The following KIF6 variants were observed in gnomAD, a reference collection of about 807,000 sequenced individuals.
KIF6 encodes the protein kinesin family member 6, also known as kinesin-like protein KIF6.
Under a neutral mutation model 112.7 loss-of-function variants are expected in KIF6, and 106 were observed. The ratio of observed to expected loss-of-function variants is 0.94; its 90% CI spans 0.80 to 1.11. The LOEUF (loss-of-function observed/expected upper bound fraction) is 1.11, where lower values mean the gene tolerates loss of function less well. KIF6 is among the 50% of genes least tolerant of loss of function. The pLI, the probability that KIF6 is intolerant of heterozygous loss-of-function variation, is 0.00. For missense variants in KIF6, 929 were observed against 964.0 expected, an observed-to-expected ratio of 0.96 and a Z score of 0.48; for synonymous variants, 339 against 339.9, an observed-to-expected ratio of 1.00 and a Z score of 0.03.
intron 13 of KIF6, among the ~76,000 whole-genome samples, chr6:39,493,275 A>G (rs1270775437): frequency 6.6e-6 from 1 of 152,186 alleles, no homozygotes; most frequent in Non-Finnish European, 1.5e-5. Flanking sequence ...CAACCCCTTC[A>G]TTTTACAGAT....
intron 13 of KIF6, among the ~76,000 whole-genome samples, chr6:39,523,691 T>C (rs1442440921): frequency 5.1e-5 from 5 of 98,812 alleles, no homozygotes; most frequent in African/African-American, 2.1e-4. Flanking sequence ...TATATATATA[T>C]ATATATGATT....
chr6:39,547,793 T>C (rs1038664754), intron 10 of KIF6, among the ~76,000 whole-genome samples: 1 of 152,190 alleles, frequency 6.6e-6, no homozygotes. Context: ...AGTAAAGGTA[T>C]TTCATTTCTA....
chr6:39,578,333 T>A (rs1324436749), intron 9 of KIF6, among the ~76,000 whole-genome samples, 174 bp from the exon 10 acceptor site: 1 of 149,124 alleles, frequency 6.7e-6, no homozygotes, highest in Non-Finnish European at 1.5e-5. Context: ...TTCTAGATTT[T>A]TTTTTTTTTT....
intron 4 of KIF6, among the ~76,000 whole-genome samples, chr6:39,637,579 A>C (rs1824386): frequency 6.6e-6 from 1 of 151,964 alleles, no homozygotes; most frequent in African/African-American, 2.4e-5. Flanking sequence ...CTCTTACTGT[A>C]TCTTGAAATG....
At chr6:39,491,441 C>G (rs1344350815) in intron 13 of KIF6, among the ~76,000 whole-genome samples, 1 of 152,138 alleles carries the variant, frequency 6.6e-6, no homozygotes, top group Admixed American at 6.5e-5. Flanking sequence ...CTAATCCCTT[C>G]CCAAACTCCT....
intron 15 of KIF6, among the ~76,000 whole-genome samples, chr6:39,391,606 G>C (rs1326826380): frequency 6.6e-6 from 1 of 152,178 alleles, no homozygotes; most frequent in Non-Finnish European, 1.5e-5. Flanking sequence ...GCCAGAGAGG[G>C]ATGAACACAA....
At chr6:39,555,670 A>G (rs1227325282) in intron 10 of KIF6, among the ~76,000 whole-genome samples, 2 of 152,088 alleles carry the variant, frequency 1.3e-5, no homozygotes, top group Non-Finnish European at 2.9e-5. Flanking sequence ...TACAGTAATG[A>G]GGCCGGGTGC....
At chr6:39,513,932 A>T (rs1388488256) in intron 13 of KIF6, among the ~76,000 whole-genome samples, 1 of 152,234 alleles carries the variant, frequency 6.6e-6, no homozygotes, top group Non-Finnish European at 1.5e-5. Flanking sequence ...TTACAAAAAA[A>T]GTTTTTACAT....
intron 22 of KIF6, among the ~76,000 whole-genome samples, chr6:39,337,990 G>T (rs1763123403): frequency 6.6e-6 from 1 of 152,182 alleles, no homozygotes; most frequent in Non-Finnish European, 1.5e-5. Context: ...CTAAGACATG[G>T]TCCACCCTGG....
chr6:39,635,397 T>A (rs753261935), intron 4 of KIF6, among the ~76,000 whole-genome samples: 29 of 152,142 alleles, frequency 1.9e-4, no homozygotes, highest in Non-Finnish European at 3.8e-4. Context: ...ATAGTTTCCA[T>A]CTTTAATCAT....
intron 13 of KIF6, among the ~76,000 whole-genome samples, chr6:39,450,573 G>A (rs1422802454): frequency 1.3e-5 from 2 of 152,182 alleles, no homozygotes; most frequent in African/African-American, 4.8e-5. Context: ...GGGAGGCTGA[G>A]GTGGGCAGAT....
intron 13 of KIF6, among the ~76,000 whole-genome samples, chr6:39,507,108 A>G (rs1776465276): frequency 6.6e-6 from 1 of 152,192 alleles, no homozygotes; most frequent in Non-Finnish European, 1.5e-5. Flanking sequence ...TGATTTATAG[A>G]AGGTTAATTA....
intron 3 of KIF6, among the ~76,000 whole-genome samples, chr6:39,695,663 T>C (rs1161450172): frequency 6.6e-6 from 1 of 152,144 alleles, no homozygotes; most frequent in Non-Finnish European, 1.5e-5. Flanking sequence ...ATGTCAAGGT[T>C]GCAGAGAAAA....
In KIF6 at chr6:39,493,517, A is replaced by G. The variant is rs75558812; in HGVS notation, c.1645+46486T>C. ...TAGATGATGTTCAACAGAATCAGGA[A>G]GCAGAGAAGCATTCAAGCCAGTCTA... On this transcript the variant is annotated intron_variant, in intron 13 of 22. Transcript: ENST00000287152. Among the ~76,000 whole-genome samples, 719 of 152,352 alleles carry G rather than the reference A, an allele frequency of 4.7e-3. 6 individuals are homozygous for G. Among genetic ancestry groups the G allele is most frequent in the African/African-American group, 0.017 (687 of 41,588 alleles).
chr6:39,345,695 C>T lies in KIF6; in HGVS notation c.2321+5G>A, dbSNP rs760645523. 9 of 1,611,846 alleles carry T rather than the reference C, an allele frequency of 5.6e-6. No individual in the cohort carries two copies. Among genetic ancestry groups the T allele is most frequent in the Middle Eastern group, 3.3e-4 (2 of 6,056 alleles). The stretch of plus-strand genomic sequence containing the variant: ...TCACAGGCATAACAGGAGAAGACCA[C>T]AGACCTGTCTTCCAGTGGGGTGCTG... On this transcript the variant is annotated splice_donor_5th_base_variant and intron_variant, in intron 21 of 22. Coordinates refer to ENST00000287152, the MANE Select transcript of KIF6 (RefSeq NM_145027.6).
intron 19 of KIF6, among the ~76,000 whole-genome samples, chr6:39,352,606 CTTT>C (rs34771617): frequency 3.6e-5 from 5 of 140,800 alleles, no homozygotes; most frequent in Non-Finnish European, 4.6e-5. Flanking sequence ...CCTGATAGCT[CTTT>C]TTTTTTTTTT....
At chr6:39,686,036 T>G (rs993625206) in intron 3 of KIF6, among the ~76,000 whole-genome samples, 1 of 152,196 alleles carries the variant, frequency 6.6e-6, no homozygotes, top group Non-Finnish European at 1.5e-5. Flanking sequence ...ATGATGAGGG[T>G]TGGATTTTAA....
chr6:39,684,414 G>A (rs184892262), intron 3 of KIF6, among the ~76,000 whole-genome samples: 72 of 152,080 alleles, frequency 4.7e-4, no homozygotes, highest in African/African-American at 1.6e-3. Context: ...TTGGGAGTTC[G>A]AGGCCAGCCT....
intron 5 of KIF6, among the ~76,000 whole-genome samples, chr6:39,613,693 T>C (rs1340854973): frequency 6.6e-6 from 1 of 152,224 alleles, no homozygotes; most frequent in Non-Finnish European, 1.5e-5. Context: ...GTTTCTTACA[T>C]AGGCAGTGAA....
Sources: gnomAD v4.1 joint callset for allele counts (sites outside exome capture counted in the v4.1 genomes callset) on GRCh38, gnomAD v4.1.1 for gene constraint, MANE v1.5 for transcripts, NCBI Gene and HGNC (gene_info 2026-07-23, HGNC 2026-07-21) for gene names.